The following KMT2E variants were observed in gnomAD, a reference collection of about 807,000 sequenced individuals.
KMT2E encodes histone reader KMT2E.
KMT2E carries 30 observed loss-of-function variants against 184.6 expected under a neutral mutation model. The ratio of observed to expected loss-of-function variants is 0.16; its 90% CI spans 0.12 to 0.22. KMT2E has a LOEUF of 0.22. Ranked by LOEUF, KMT2E falls within the 10% of genes least tolerant of loss-of-function variation. The probability of loss-of-function intolerance (pLI) is 1.00; values close to 1 mark genes in which losing one functional copy is unlikely to be tolerated. For missense variants in KMT2E, 2,023 were observed against 2,237.4 expected, an observed-to-expected ratio of 0.90 and a Z score of 1.93; for synonymous variants, 815 against 776.5, an observed-to-expected ratio of 1.05 and a Z score of -0.82.
chr7:105,114,278 A>ATGAT lies in KMT2E; in HGVS notation c.*948_*951dup, dbSNP rs1217632155. Reference sequence around the variant, plus strand: ...GCAGGAGCCATAGGAAACTACTGAAATGATTGTGCTGGGTAAATTAAGGAT... The same window carrying ATGAT: ...GCAGGAGCCATAGGAAACTACTGAAATGATTGATTGTGCTGGGTAAATTAAGGAT... On this transcript the variant is annotated 3_prime_UTR_variant, in exon 27 of 27. Coordinates refer to ENST00000311117, the MANE Select transcript of KMT2E (RefSeq NM_182931.3). 4.6e-5 allele frequency: 7 copies of ATGAT among 152,298 alleles called. No individual in the cohort carries two copies. The highest frequency in any genetic ancestry group is 1.9e-4 in the East Asian group (1 of 5,184). The allele number at this position is 152,298 out of a possible 1,614,324, so 9.4% of individuals were successfully genotyped here.
intron 15 of KMT2E, 94 bp from the exon 16 acceptor site, chr7:105,101,326 TCATAG>T: frequency 2.6e-6 from 2 of 780,912 alleles, no homozygotes; most frequent in Non-Finnish European, 3.8e-6. Flanking sequence ...GCTGATAGTA[TCATAG>T]CAATTATTTT....
At chr7:105,072,367 GC>G (rs1000226698) in intron 6 of KMT2E, among the ~76,000 whole-genome samples, 4 of 152,052 alleles carry the variant, frequency 2.6e-5, no homozygotes, top group African/African-American at 4.8e-5. Context: ...CATTAGGAGG[GC>G]AGTTAGTTGA....
chr7:105,053,894 C>T (rs1439204898), intron 3 of KMT2E, among the ~76,000 whole-genome samples: 2 of 151,736 alleles, frequency 1.3e-5, no homozygotes, highest in Non-Finnish European at 2.9e-5. Flanking sequence ...AAGAAACAGG[C>T]GAGGCATGGT....
chr7:105,058,825 C>T (rs1796676697), intron 3 of KMT2E, among the ~76,000 whole-genome samples: 1 of 152,020 alleles, frequency 6.6e-6, no homozygotes, highest in African/African-American at 2.4e-5. Context: ...TTGGAGTATG[C>T]AATGAATATC....
chr7:105,091,195 G>C (rs764224197), intron 14 of KMT2E, 21 bp from the exon 15 acceptor site: 1 of 1,097,434 alleles, frequency 9.1e-7, no homozygotes, highest in Non-Finnish European at 1.4e-6. Flanking sequence ...TTTGTATAAA[G>C]AAGTCATTTC....
At chr7:105,057,921 CA>C (rs1796638550) in intron 3 of KMT2E, among the ~76,000 whole-genome samples, 1 of 152,182 alleles carries the variant, frequency 6.6e-6, no homozygotes, top group Non-Finnish European at 1.5e-5. Flanking sequence ...TCACTCGTCT[CA>C]AAAATCTTTT....
At chr7:105,021,016 T>G (rs1385810182) in intron 1 of KMT2E, among the ~76,000 whole-genome samples, 2 of 152,252 alleles carry the variant, frequency 1.3e-5, no homozygotes, top group African/African-American at 4.8e-5. Context: ...TACAGAGAGA[T>G]ATCTCCAGTT....
chr7:105,076,056 G>T lies in KMT2E; in HGVS notation c.743G>T (p.Gly248Val). The T allele has an allele frequency of 6.2e-7, 1 of 1,600,952 alleles. No homozygotes were observed. Among genetic ancestry groups the T allele is most frequent in the Non-Finnish European group, 8.6e-7 (1 of 1,168,732 alleles). Reference protein sequence around the residue: ...ISKCKKAFREGSRKSSRVKGS... With the variant: ...ISKCKKAFREVSRKSSRVKGS... ...TGTTTATTTTAGGCATTTCGTGAAG[G>T]ATCTAGGAAGTCATCAAGAGTTAAG... The change falls in exon 9 of 27, where the codon GGA (glycine) becomes GTA (valine). Residue 248 changes from glycine (G) to valine (V), a missense_variant. Transcript: ENST00000311117.
At chr7:105,023,898 T>C (rs1434512775) in intron 1 of KMT2E, among the ~76,000 whole-genome samples, 1 of 152,210 alleles carries the variant, frequency 6.6e-6, no homozygotes, top group Non-Finnish European at 1.5e-5. Context: ...CATCTGTAAT[T>C]CTAGGGCAAA....
At chr7:105,059,389 A>G (rs967142018) in intron 3 of KMT2E, among the ~76,000 whole-genome samples, 1 of 152,190 alleles carries the variant, frequency 6.6e-6, no homozygotes, top group East Asian at 1.9e-4. Context: ...CTTCTGTGTA[A>G]TTTTTAAAGA....
chr7:105,065,433 T>G (rs938695610), intron 5 of KMT2E, among the ~76,000 whole-genome samples: 4 of 152,168 alleles, frequency 2.6e-5, no homozygotes, highest in Non-Finnish European at 5.9e-5. Flanking sequence ...ACATTCTCAG[T>G]TGAAAAGTAA....
chr7:105,067,589 G>A (rs1797086658), intron 6 of KMT2E, among the ~76,000 whole-genome samples: 2 of 152,092 alleles, frequency 1.3e-5, no homozygotes, highest in African/African-American at 4.8e-5. Context: ...CCCAGATATC[G>A]TATTATTTCA....
At chr7:105,110,952 T>C in intron 26 of KMT2E, 84 bp downstream of exon 26, 1 of 916,562 alleles carries the variant, frequency 1.1e-6, no homozygotes, top group Non-Finnish European at 1.8e-6. Flanking sequence ...GCAGTGTTTT[T>C]CTGCTGTATC....
chr7:105,039,599 T>C (rs552921321), intron 2 of KMT2E, among the ~76,000 whole-genome samples: 2 of 152,296 alleles, frequency 1.3e-5, no homozygotes, highest in Non-Finnish European at 2.9e-5. Flanking sequence ...GTTCATACAT[T>C]ATGGGGGAAG....
chr7:105,061,278 T>G (rs979361277), intron 3 of KMT2E, among the ~76,000 whole-genome samples: 3 of 152,248 alleles, frequency 2.0e-5, no homozygotes, highest in African/African-American at 7.2e-5. Flanking sequence ...AGTACTAAGT[T>G]CTAATGTAAA....
intron 3 of KMT2E, among the ~76,000 whole-genome samples, chr7:105,060,074 CA>C (rs934788499): frequency 2.2e-5 from 3 of 137,910 alleles, no homozygotes; most frequent in Non-Finnish European, 4.6e-5. Flanking sequence ...CGGCTCACTG[CA>C]ACCTCTGCCA....
Position 105,077,362 on chromosome 7 carries a change from A to G in KMT2E, c.1059A>G (p.Ala353=). The stretch of plus-strand genomic sequence containing the variant: ...CTGCAAAAGATTTGCCTCCTGATGC[A>G]CTTATCATTGAATACAGAGGGAAGT... The part of the protein sequence containing the change: ...LKSAKDLPPD[A]LIIEYRGKFM... The change falls in exon 11 of 27, where the codon GCA becomes GCG. Residue 353 remains alanine (A), a synonymous_variant. Coordinates refer to ENST00000311117, the MANE Select transcript of KMT2E (RefSeq NM_182931.3). 1 of 1,610,654 alleles carries G rather than the reference A, an allele frequency of 6.2e-7. No homozygotes were observed. Among genetic ancestry groups the G allele is most frequent in the Non-Finnish European group, 8.5e-7 (1 of 1,177,226 alleles).
At chr7:105,067,748 A>T (rs1017938100) in intron 6 of KMT2E, among the ~76,000 whole-genome samples, 2 of 152,218 alleles carry the variant, frequency 1.3e-5, no homozygotes, top group East Asian at 3.8e-4. Context: ...AGGTAGGTAG[A>T]TCATGAGAGC....
chr7:105,050,509 A>G (rs1313795830), intron 3 of KMT2E, among the ~76,000 whole-genome samples: 1 of 152,102 alleles, frequency 6.6e-6, no homozygotes, highest in African/African-American at 2.4e-5. Flanking sequence ...AATCTTCCTA[A>G]GCTCCAGACT....
Sources: allele counts gnomAD v4.1 joint callset (sites outside exome capture counted in the v4.1 genomes callset), GRCh38; gene constraint gnomAD v4.1.1; transcripts MANE v1.5; gene names NCBI Gene and HGNC (gene_info 2026-07-23, HGNC 2026-07-21).